DAB2IP: variants seen among roughly 807,000 people sequenced by gnomAD.
DAB2IP encodes DAB2 interacting protein.
A neutral mutation model predicts 107.2 loss-of-function variants in DAB2IP; 28 were observed. That is an observed-to-expected ratio of 0.26 (90% CI 0.19 to 0.36). The LOEUF (loss-of-function observed/expected upper bound fraction) is 0.36, where lower values mean the gene tolerates loss of function less well. Ranked by LOEUF, DAB2IP falls within the 10% of genes least tolerant of loss-of-function variation. DAB2IP has a pLI of 1.00. For synonymous variants in DAB2IP, 755 were observed against 706.4 expected (o/e 1.07, Z -1.09); for missense variants, 1,400 against 1,644.7 (o/e 0.85, Z 2.57).
chr9:121,661,087 C>G (rs1466393798), intron 1 of DAB2IP, among the ~76,000 whole-genome samples: 2 of 151,880 alleles, frequency 1.3e-5, no homozygotes, highest in African/African-American at 4.8e-5. Context: ...TCATTGAGGG[C>G]TGGGGTGGGG....
chr9:121,716,766 A>T (rs996283824), intron 3 of DAB2IP, among the ~76,000 whole-genome samples: 1 of 152,176 alleles, frequency 6.6e-6, no homozygotes, highest in Non-Finnish European at 1.5e-5. Flanking sequence ...AGTTTCCCAG[A>T]TTGGCCAAAG....
chr9:121,597,389 C>T (rs976306010), intron 1 of DAB2IP, among the ~76,000 whole-genome samples: 3 of 152,164 alleles, frequency 2.0e-5, no homozygotes, highest in Non-Finnish European at 4.4e-5. Context: ...CACTGACCTG[C>T]AGGGCCATCT....
At chr9:121,758,254 A>G (rs1367908454) in intron 4 of DAB2IP, among the ~76,000 whole-genome samples, 3 of 152,194 alleles carry the variant, frequency 2.0e-5, no homozygotes, top group Non-Finnish European at 4.4e-5. Context: ...GGAGATGTCT[A>G]AGCTGGACCA....
intron 1 of DAB2IP, among the ~76,000 whole-genome samples, chr9:121,609,490 T>C (rs1190892496): frequency 6.6e-6 from 1 of 152,214 alleles, no homozygotes; most frequent in Non-Finnish European, 1.5e-5. Flanking sequence ...GGCTCCCAAC[T>C]TCTCCAGGCA....
intron 14 of DAB2IP, among the ~76,000 whole-genome samples, chr9:121,778,909 G>A (rs1020084945): frequency 3.3e-5 from 5 of 152,160 alleles, no homozygotes; most frequent in African/African-American, 1.2e-4. Flanking sequence ...TCAGTAGTTG[G>A]ATTGTGATGT....
At chr9:121,742,652 C>T (rs1832437746) in intron 3 of DAB2IP, 2 of 839,506 alleles carry the variant, frequency 2.4e-6, no homozygotes, top group East Asian at 1.2e-4. Flanking sequence ...GTGGAAGGGC[C>T]TCGGCCAGCT....
chr9:121,725,834 C>T (rs898772708), intron 3 of DAB2IP, among the ~76,000 whole-genome samples: 5 of 152,134 alleles, frequency 3.3e-5, no homozygotes, highest in African/African-American at 1.2e-4. Flanking sequence ...AGCAGGAAGG[C>T]AGCAGGGTAT....
rs1160563658 is a variant in DAB2IP, at chr9:121,634,342, ACT to A, written c.41-44331_41-44330del. 6.6e-6 allele frequency among the ~76,000 whole-genome samples: 1 copy of A among 151,842 alleles called. No individual in the cohort carries two copies. Among genetic ancestry groups the A allele is most frequent in the East Asian group, 1.9e-4 (1 of 5,166 alleles). On this transcript the variant is annotated intron_variant, in intron 1 of 16. Transcript: ENST00000259371. This position sits in a 1 kb window ranked among gnomAD's most constrained non-coding sequence, Gnocchi z 4.7. ...GCCGGCCACACTTGACCCCGCCTTT[ACT>A]CTCTTAGTTCTGACATTTCACAAGC...
Position 121,662,462 on chromosome 9 carries a change from C to A in DAB2IP, c.124+10563C>A, listed in dbSNP as rs986153698. On this transcript the variant is annotated intron_variant, in intron 1 of 15. Transcript: ENST00000408936. This position sits in a 1 kb window ranked among gnomAD's most constrained non-coding sequence, Gnocchi z 4.6. The stretch of plus-strand genomic sequence containing the variant: ...GTTATATGAAATTCAAATTTCAATG[C>A]CCATAAATAAAGTTTTATTGGAACA... 1.3e-5 allele frequency among the ~76,000 whole-genome samples: 2 copies of A among 152,170 alleles called. No individual in the cohort carries two copies. The highest frequency in any genetic ancestry group is 2.9e-5 in the Non-Finnish European group (2 of 68,034).
At chr9:121,664,054 T>A (rs80293317) in intron 1 of DAB2IP, among the ~76,000 whole-genome samples, 7,955 of 152,364 alleles carry the variant, frequency 0.052, 310 homozygotes, top group Middle Eastern at 0.095. Flanking sequence ...ATTATCTCTC[T>A]TAGATCTGTT....
At chr9:121,726,769 A>G (rs1831257783) in intron 3 of DAB2IP, among the ~76,000 whole-genome samples, 1 of 152,096 alleles carries the variant, frequency 6.6e-6, no homozygotes, top group Admixed American at 6.5e-5. Flanking sequence ...GGAGAAACTG[A>G]GTTGGGTTTT....
intron 3 of DAB2IP, among the ~76,000 whole-genome samples, chr9:121,710,234 T>A (rs1830274727): frequency 6.6e-6 from 1 of 152,208 alleles, no homozygotes. Flanking sequence ...AGACAGGATT[T>A]GCATCCAGGT....
chr9:121,781,674 A>G lies in DAB2IP; in HGVS notation c.3402+123A>G, dbSNP rs1048328626. On this transcript the variant is annotated intron_variant, in intron 15 of 15. Coordinates refer to ENST00000408936, the Ensembl canonical transcript of DAB2IP. ...ACACTGAGGGGAATAAGAAACCAGA[A>G]TCTGCCCTGAGAAGTCAGACCTGTG... 5.2e-6 allele frequency: 5 copies of G among 965,190 alleles called. No individual in the cohort carries two copies. The Admixed American group carries it at 8.6e-5, about 17-fold the overall frequency. 59.8% of individuals were successfully genotyped at this position (965,190 alleles called of 1,614,324 possible). A position where few individuals can be genotyped will look rare whatever the true frequency, so the allele number is the denominator to read the frequency against.
chr9:121,626,764 G>A (rs575875554), intron 1 of DAB2IP, among the ~76,000 whole-genome samples: 264 of 152,210 alleles, frequency 1.7e-3, no homozygotes, highest in Admixed American at 3.6e-3. Flanking sequence ...TTGAGCTTTC[G>A]GAGAGTGGCT....
chr9:121,618,369 T>A (rs1238664730), intron 1 of DAB2IP, among the ~76,000 whole-genome samples: 1 of 152,118 alleles, frequency 6.6e-6, no homozygotes, highest in African/African-American at 2.4e-5. Flanking sequence ...CAATGGATTT[T>A]TTTTTTTTTG....
Position 121,698,606 on chromosome 9 carries a change from T to C in DAB2IP, c.229-719T>C, listed in dbSNP as rs1190373571. On this transcript the variant is annotated intron_variant, in intron 2 of 15. Transcript: ENST00000408936. This position sits in a 1 kb window ranked among gnomAD's most constrained non-coding sequence, Gnocchi z 4.1. ...CTAGGGATCCCGTCCCGCAAGGTGGTTGTCCTTGCTGGGGTACATACAACG... is the reference window on the plus strand; with the variant it reads ...CTAGGGATCCCGTCCCGCAAGGTGGCTGTCCTTGCTGGGGTACATACAACG... Among the ~76,000 whole-genome samples the C allele has an allele frequency of 6.6e-6, 1 of 152,112 alleles. No homozygotes were observed. The highest frequency in any genetic ancestry group is 1.5e-5 in the Non-Finnish European group (1 of 68,018).
intron 3 of DAB2IP, among the ~76,000 whole-genome samples, chr9:121,735,724 T>C (rs2118872288): frequency 6.6e-6 from 1 of 152,274 alleles, no homozygotes; most frequent in East Asian, 1.9e-4. Flanking sequence ...CTGCATGTGG[T>C]AGAGACTCAG....
intron 3 of DAB2IP, among the ~76,000 whole-genome samples, chr9:121,740,376 TC>T (rs761517147): frequency 2.4e-4 from 36 of 151,996 alleles, no homozygotes; most frequent in Non-Finnish European, 5.0e-4. Context: ...GACCCTGTGT[TC>T]CCCCCGTCAG....
chr9:121,615,574 G>A (rs375598514), intron 1 of DAB2IP, among the ~76,000 whole-genome samples: 2 of 152,048 alleles, frequency 1.3e-5, no homozygotes, highest in Non-Finnish European at 2.9e-5. Flanking sequence ...CCAAGGCTGG[G>A]TGGCAAGGAA....
Sources: gnomAD v4.1 joint callset for allele counts (sites outside exome capture counted in the v4.1 genomes callset) on GRCh38, gnomAD v4.1.1 for gene constraint, Gnocchi (gnomAD v3.1) non-coding constraint, MANE v1.5 for transcripts, NCBI Gene and HGNC (gene_info 2026-07-23, HGNC 2026-07-21) for gene names.